The following ABCC8 variants were observed in gnomAD, a reference collection of about 807,000 sequenced individuals.
ABCC8 encodes the protein ATP binding cassette subfamily C member 8, also known as ATP-binding cassette sub-family C member 8.
ABCC8 carries 137 observed loss-of-function variants against 188.0 expected under a neutral mutation model. The ratio of observed to expected loss-of-function variants is 0.73; its 90% CI spans 0.63 to 0.84. The LOEUF (loss-of-function observed/expected upper bound fraction) is 0.84. Among genes scored for constraint, ABCC8 ranks in the 40% least tolerant of loss-of-function variants. The pLI is 0.00. For synonymous variants in ABCC8, 797 were observed against 846.5 expected, an observed-to-expected ratio of 0.94 and a Z score of 1.01; for missense variants, 1,750 against 2,072.7, an observed-to-expected ratio of 0.84 and a Z score of 3.02.
At chr11:17,405,798 C>CT (rs1362450963) in intron 26 of ABCC8, among the ~76,000 whole-genome samples, 3 of 152,324 alleles carry the variant, frequency 2.0e-5, no homozygotes, top group South Asian at 2.1e-4. Context: ...CGACTGCCGC[C>CT]TTTCTCAGCT....
intron 3 of ABCC8, among the ~76,000 whole-genome samples, chr11:17,465,172 T>C (rs745781571): frequency 2.0e-5 from 3 of 152,222 alleles, no homozygotes; most frequent in Non-Finnish European, 4.4e-5. Flanking sequence ...CAGGCTGGTC[T>C]CTAGGACTGG....
At chr11:17,422,670 C>G (rs1955399828) in intron 16 of ABCC8, among the ~76,000 whole-genome samples, 1 of 152,164 alleles carries the variant, frequency 6.6e-6, no homozygotes, top group Non-Finnish European at 1.5e-5. Flanking sequence ...TTCCTACAGT[C>G]TGTCTGTCTT....
At chr11:17,463,066 T>G (rs971491210) in intron 4 of ABCC8, among the ~76,000 whole-genome samples, 1 of 152,046 alleles carries the variant, frequency 6.6e-6, no homozygotes, top group Non-Finnish European at 1.5e-5. Flanking sequence ...ACAAAACACT[T>G]ACTCATTCAT....
chr11:17,468,010 G>A (rs1848264994), intron 3 of ABCC8, among the ~76,000 whole-genome samples: 1 of 98,112 alleles, frequency 1.0e-5, no homozygotes, highest in Non-Finnish European at 2.0e-5. Context: ...GGTCAGCCAG[G>A]CCCTGGTTAA....
intron 10 of ABCC8, chr11:17,435,814 G>A: frequency 1.6e-6 from 2 of 1,271,262 alleles, no homozygotes; most frequent in South Asian, 1.2e-5. Flanking sequence ...ATACATGAGA[G>A]GGAAGATGAG....
At chr11:17,394,596 G>A (rs959503328) in intron 36 of ABCC8, 197 bp from the exon 37 acceptor site, 19 of 592,662 alleles carry the variant, frequency 3.2e-5, no homozygotes, top group Non-Finnish European at 3.8e-5. Flanking sequence ...GGACTGCAAC[G>A]AGAAGGGCAC....
At chr11:17,447,533 C>T (rs894152013) in intron 8 of ABCC8, among the ~76,000 whole-genome samples, 22 of 152,130 alleles carry the variant, frequency 1.4e-4, no homozygotes, top group Non-Finnish European at 2.5e-4. Context: ...TCAAGCAATC[C>T]TTCCATCTCA....
rs1954019464 is a variant in ABCC8 at position 17,397,785 on chromosome 11, C to T, written c.3766G>A (p.Ala1256Thr). ...ACCGCTGCGATGAGCACCACACATG[C>T]ACCGATGTACTCCTGGGGAGGGAGA... ...WLEVRMEYIGACVVLIAAVTS... is the reference protein window; with the variant it reads ...WLEVRMEYIGTCVVLIAAVTS... Residue 1256 changes from alanine to threonine, a missense_variant, in exon 31 of 39, where the codon GCA becomes ACA. Physicochemically the swap from Ala to Thr is moderately conservative, Grantham distance 58 (BLOSUM62 0). Coordinates refer to ENST00000389817, the MANE Select transcript of ABCC8 (RefSeq NM_000352.6). The T allele has an allele frequency of 8.7e-6, 14 of 1,613,818 alleles. No individual in the cohort carries two copies. Among genetic ancestry groups the T allele is most frequent in the Non-Finnish European group, 1.2e-5 (14 of 1,180,000 alleles).
intron 12 of ABCC8, 81 bp downstream of exon 12, chr11:17,430,733 G>A (rs999330158): frequency 1.4e-6 from 2 of 1,466,072 alleles, no homozygotes; most frequent in Non-Finnish European, 1.9e-6. Flanking sequence ...AAACAGCTGT[G>A]GTTTGGCCAT....
chr11:17,428,119 C>G (rs913262510), intron 14 of ABCC8, 170 bp downstream of exon 14: 1 of 1,564,352 alleles, frequency 6.4e-7, no homozygotes, highest in Non-Finnish European at 8.7e-7. Context: ...TTGCCTAAGG[C>G]TGGGGGTCCC....
intron 10 of ABCC8, among the ~76,000 whole-genome samples, chr11:17,436,395 G>T (rs1247363197): frequency 6.6e-6 from 1 of 152,076 alleles, no homozygotes; most frequent in African/African-American, 2.4e-5. Flanking sequence ...GCTGTCATGG[G>T]TTGAAGATCT....
At chr11:17,468,897 G>GTCCT (rs1848316080) in intron 3 of ABCC8, among the ~76,000 whole-genome samples, 2 of 152,086 alleles carry the variant, frequency 1.3e-5, no homozygotes, top group African/African-American at 4.8e-5. Context: ...GCTTCTGCCT[G>GTCCT]GGACCCCAGT....
At chr11:17,476,215 G>A (rs1848763404) in intron 1 of ABCC8, among the ~76,000 whole-genome samples, 2 of 152,228 alleles carry the variant, frequency 1.3e-5, no homozygotes, top group South Asian at 2.1e-4. Flanking sequence ...TCTTCCCTAG[G>A]CCCAGCTGCG....
chr11:17,398,227 G>T, intron 30 of ABCC8, 112 bp downstream of exon 30: 2 of 1,387,656 alleles, frequency 1.4e-6, no homozygotes, highest in African/African-American at 1.4e-5. Flanking sequence ...GGAAGGCTTG[G>T]TGTCCACACG....
chr11:17,468,592 T>C (rs1174021001), intron 3 of ABCC8, among the ~76,000 whole-genome samples: 1 of 152,224 alleles, frequency 6.6e-6, no homozygotes, highest in Non-Finnish European at 1.5e-5. Context: ...CTCAGTTTTC[T>C]GATATGTAAA....
chr11:17,464,658 T>C (rs1848035726), intron 3 of ABCC8, among the ~76,000 whole-genome samples: 1 of 152,212 alleles, frequency 6.6e-6, no homozygotes, highest in Non-Finnish European at 1.5e-5. Context: ...AAGGTAAACC[T>C]CAGAAGCTAT....
At position 17,442,813 on chromosome 11, in the gene ABCC8, C is replaced by A. The variant is rs761748692; in HGVS notation, c.1537G>T (p.Ala513Ser). 1 of 1,614,082 alleles carries A rather than the reference C, an allele frequency of 6.2e-7. No individual in the cohort carries two copies. The highest frequency in any genetic ancestry group is 2.2e-5 in the East Asian group (1 of 44,870). ...CGCGTGCGGAAGATGTTCTCCCAGGCGTACAGCTTCAGCAGCTTGATGCCG... is the reference window on the plus strand; with the variant it reads ...CGCGTGCGGAAGATGTTCTCCCAGGAGTACAGCTTCAGCAGCTTGATGCCG... ...LRGIKLLKLY[A>S]WENIFRTRVE... The change falls in exon 10 of 39, where the codon GCC becomes TCC. Residue 513 changes from alanine (A) to serine (S), a missense_variant. By Grantham distance (99) the Ala-to-Ser change is moderately conservative. Coordinates refer to ENST00000389817, the MANE Select transcript of ABCC8 (RefSeq NM_000352.6).
chr11:17,397,955 AG>A, intron 30 of ABCC8, 158 bp from the exon 31 acceptor site: 5 of 927,092 alleles, frequency 5.4e-6, no homozygotes, highest in Non-Finnish European at 6.4e-6. Flanking sequence ...AGGGCTGCGA[AG>A]GCTGGAGCCC....
rs1848806669 is a variant in ABCC8, at chr11:17,476,724, T to C, written c.53A>G (p.Asp18Gly). Residue 18 changes from aspartate to glycine, a missense_variant, in exon 1 of 39, where the codon GAC (aspartate) becomes GGC (glycine). Asp to Gly is a moderately conservative substitution (Grantham distance 94). Transcript: ENST00000389817. ...SENHSAAYRVDQGVLNNGCFV... is the reference protein window; with the variant it reads ...SENHSAAYRVGQGVLNNGCFV... ...GCAGCCGTTGTTGAGGACCCCCTGGTCCACCCGGTAGGCGGCCGAGTGGTT... is the reference window on the plus strand; with the variant it reads ...GCAGCCGTTGTTGAGGACCCCCTGGCCCACCCGGTAGGCGGCCGAGTGGTT... 1 of 1,608,274 alleles carries C rather than the reference T, an allele frequency of 6.2e-7. No homozygotes were observed. The highest frequency in any genetic ancestry group is 8.5e-7 in the Non-Finnish European group (1 of 1,177,676).
Sources: gnomAD v4.1 joint callset for allele counts (sites outside exome capture counted in the v4.1 genomes callset) on GRCh38, gnomAD v4.1.1 for gene constraint, MANE v1.5 for transcripts, NCBI Gene and HGNC (gene_info 2026-07-23, HGNC 2026-07-21) for gene names.